CRY1: variants seen among roughly 807,000 people sequenced by gnomAD.
CRY1 encodes cryptochrome circadian regulator 1, also known as cryptochrome-1.
CRY1 carries 45 observed loss-of-function variants against 76.0 expected under a neutral mutation model. The ratio of observed to expected loss-of-function variants is 0.59; its 90% CI spans 0.47 to 0.76. The LOEUF (loss-of-function observed/expected upper bound fraction) is 0.76, where lower values mean the gene tolerates loss of function less well. Ranked by LOEUF, CRY1 falls within the 30% of genes least tolerant of loss-of-function variation. The pLI, the probability that CRY1 is intolerant of heterozygous loss-of-function variation, is 0.00. For synonymous variants in CRY1, 248 were observed against 244.0 expected (o/e 1.02, Z -0.15); for missense variants, 587 against 716.4 (o/e 0.82, Z 2.06).
At chr12:107,049,157 T>C (rs935950346) in intron 1 of CRY1, among the ~76,000 whole-genome samples, 2 of 152,214 alleles carry the variant, frequency 1.3e-5, no homozygotes, top group African/African-American at 2.4e-5. Context: ...AACCAAAAGC[T>C]GAAATAGTCC....
At chr12:107,048,220 A>T (rs1435281531) in intron 1 of CRY1, among the ~76,000 whole-genome samples, 4 of 152,008 alleles carry the variant, frequency 2.6e-5, no homozygotes, top group African/African-American at 9.7e-5. Context: ...AGCTGGGATT[A>T]CAGGCACCTG....
At chr12:107,012,573 A>G (rs1421137278) in intron 2 of CRY1, among the ~76,000 whole-genome samples, 1 of 152,256 alleles carries the variant, frequency 6.6e-6, no homozygotes, top group Non-Finnish European at 1.5e-5. Flanking sequence ...CCAATGTAAC[A>G]TCAATTCTGC....
In CRY1 at chr12:107,001,314, G is replaced by C. The variant is rs760534685; in HGVS notation, c.650C>G (p.Ala217Gly). 3.1e-6 allele frequency: 5 copies of C among 1,613,686 alleles called. No homozygotes were observed. In the South Asian group the frequency reaches 4.4e-5, roughly 14 times the overall value. Residue 217 changes from alanine to glycine, a missense_variant, in exon 5 of 13, where the codon GCA becomes GGA. Coordinates refer to ENST00000008527, the MANE Select transcript of CRY1 (RefSeq NM_004075.5). ...SAVWPGGETE[A>G]LTRLERHLER... ...CAAATGCCTTTCCAAACGAGTAAGT[G>C]CTTCAGTTTCTCCACCTGGCCACAC...
At chr12:107,037,662 T>A (rs953290427) in intron 1 of CRY1, among the ~76,000 whole-genome samples, 2 of 152,062 alleles carry the variant, frequency 1.3e-5, no homozygotes, top group Non-Finnish European at 1.5e-5. Flanking sequence ...TGAGCAGAGG[T>A]TGGAACATAA....
At chr12:107,084,599 T>C (rs1461186661) in intron 1 of CRY1, among the ~76,000 whole-genome samples, 1 of 152,148 alleles carries the variant, frequency 6.6e-6, no homozygotes, top group Non-Finnish European at 1.5e-5. Context: ...TAAATGGTGC[T>C]GGGAAAACTG....
chr12:107,018,278 A>G (rs1952518103), intron 2 of CRY1, among the ~76,000 whole-genome samples: 1 of 152,200 alleles, frequency 6.6e-6, no homozygotes. Context: ...GCCATGTGTC[A>G]CTGTTTCTTA....
intron 2 of CRY1, among the ~76,000 whole-genome samples, chr12:107,006,638 CTTT>C (rs1555275228): frequency 7.3e-6 from 1 of 137,104 alleles, no homozygotes; most frequent in Non-Finnish European, 1.5e-5. Context: ...TATTAGTAAT[CTTT>C]TTTTTTTTTT....
At chr12:107,037,221 T>C (rs897323077) in intron 1 of CRY1, among the ~76,000 whole-genome samples, 3 of 152,006 alleles carry the variant, frequency 2.0e-5, no homozygotes, top group Admixed American at 6.5e-5. Context: ...GAACAAAAAA[T>C]AGGCCAATAT....
Position 107,064,778 on chromosome 12 carries a change from C to T in CRY1, c.158+28026G>A, listed in dbSNP as rs148531751. ...GACAGGAGAGTCAAAACCAATCTAA[C>T]TTAATTAGTAAACTTCAAACAGTAA... On this transcript the variant is annotated intron_variant, in intron 1 of 12. Coordinates refer to ENST00000008527, the MANE Select transcript of CRY1 (RefSeq NM_004075.5). 3.9e-3 allele frequency among the ~76,000 whole-genome samples: 601 copies of T among 152,262 alleles called. 2 individuals carry two copies. Among genetic ancestry groups the T allele is most frequent in the South Asian group, 0.017 (82 of 4,828 alleles).
At chr12:106,997,425 G>A (rs765245607) in intron 9 of CRY1, 39 bp from the exon 10 acceptor site, 10 of 1,611,642 alleles carry the variant, frequency 6.2e-6, no homozygotes, top group Admixed American at 1.7e-5. Context: ...TTATGATCAA[G>A]ATAAAATTCA....
intron 1 of CRY1, among the ~76,000 whole-genome samples, chr12:107,051,177 T>C (rs1287634808): frequency 6.6e-6 from 1 of 152,174 alleles, no homozygotes; most frequent in East Asian, 1.9e-4. Context: ...CATATAGCTG[T>C]TATGTAATTA....
intron 1 of CRY1, among the ~76,000 whole-genome samples, chr12:107,032,225 C>T (rs1429965608): frequency 2.6e-5 from 4 of 152,144 alleles, no homozygotes; most frequent in South Asian, 2.1e-4. Flanking sequence ...TGAGCCACCA[C>T]GCCCGGCCAG....
intron 2 of CRY1, among the ~76,000 whole-genome samples, chr12:107,010,730 C>G (rs1353939502): frequency 6.6e-6 from 1 of 152,010 alleles, no homozygotes; most frequent in African/African-American, 2.4e-5. Context: ...AGGTACCAGT[C>G]ACTACACCCA....
At chr12:107,085,240 T>C (rs1036332859) in intron 1 of CRY1, among the ~76,000 whole-genome samples, 6 of 152,354 alleles carry the variant, frequency 3.9e-5, no homozygotes, top group Admixed American at 2.0e-4. Flanking sequence ...TCAACCATTA[T>C]GGAAGACAGT....
chr12:107,000,794 C>T (rs1182750486), intron 5 of CRY1, among the ~76,000 whole-genome samples: 1 of 151,910 alleles, frequency 6.6e-6, no homozygotes, highest in African/African-American at 2.4e-5. Context: ...GAATTAAAGG[C>T]ACACACCACC....
At chr12:107,058,721 A>G (rs1046389475) in intron 1 of CRY1, among the ~76,000 whole-genome samples, 2 of 152,210 alleles carry the variant, frequency 1.3e-5, no homozygotes, top group Non-Finnish European at 2.9e-5. Flanking sequence ...TTTTGCGAAG[A>G]CAGAAAATTC....
intron 2 of CRY1, among the ~76,000 whole-genome samples, chr12:107,016,568 C>A (rs1057151492): frequency 6.6e-6 from 1 of 152,008 alleles, no homozygotes; most frequent in African/African-American, 2.4e-5. Context: ...GAAGGTAAAA[C>A]TCTAAAAATT....
rs1388480695 is a variant in CRY1, at chr12:107,087,241, GTGTGCTCAGGA to G, written c.158+5552_158+5562del. 2.0e-5 allele frequency among the ~76,000 whole-genome samples: 3 copies of G among 151,738 alleles called. No homozygotes were observed. In the East Asian group the frequency reaches 5.8e-4, roughly 29 times the overall value. On this transcript the variant is annotated intron_variant, in intron 1 of 12. Coordinates refer to ENST00000008527, the MANE Select transcript of CRY1 (RefSeq NM_004075.5). ...TTTTGAGAGCTCACCTCTTGGACCA[GTGTGCTCAGGA>G]TGTGGGAGGGAGTGGAAAGTGAGGA...
rs979405079 is a variant in CRY1 at position 107,073,682 on chromosome 12, T to C, written c.158+19122A>G. Among the ~76,000 whole-genome samples the C allele has an allele frequency of 4.6e-5, 7 of 152,104 alleles. No individual in the cohort carries two copies. The East Asian group carries it at 5.8e-4, about 13-fold the overall frequency. On this transcript the variant is annotated intron_variant, in intron 1 of 12. Transcript: ENST00000008527. ...AGACAGAGGTTGCAGTGAGCCAAGA[T>C]TGCACCATTGCACTCCAGCCTGGGC...
Sources: allele counts gnomAD v4.1 joint callset (sites outside exome capture counted in the v4.1 genomes callset), GRCh38; gene constraint gnomAD v4.1.1; transcripts MANE v1.5; gene names NCBI Gene and HGNC (gene_info 2026-07-23, HGNC 2026-07-21).